The following LRRC4C variants were observed in gnomAD, a reference collection of about 807,000 sequenced individuals.
LRRC4C encodes the protein leucine rich repeat containing 4C.
LRRC4C carries 5 observed loss-of-function variants against 33.6 expected under a neutral mutation model. The observed-to-expected ratio is 0.15, with a 90% CI of 0.08 to 0.31. LRRC4C has a LOEUF of 0.31. LRRC4C is among the 10% of genes least tolerant of loss of function. The pLI is 1.00. For missense variants in LRRC4C, 560 were observed against 796.7 expected, an observed-to-expected ratio of 0.70 and a Z score of 3.58; for synonymous variants, 329 against 302.0, an observed-to-expected ratio of 1.09 and a Z score of -0.93.
chr11:40,316,370 C>T (rs893205222), intron 4 of LRRC4C, among the ~76,000 whole-genome samples: 1 of 152,012 alleles, frequency 6.6e-6, no homozygotes, highest in South Asian at 2.1e-4. Flanking sequence ...CCTGACAAGG[C>T]TGTTTGGAAC....
intron 1 of LRRC4C, among the ~76,000 whole-genome samples, chr11:41,190,672 T>C (rs763780406): frequency 9.9e-5 from 15 of 152,202 alleles, no homozygotes; most frequent in Non-Finnish European, 1.6e-4. Context: ...TCGTCTACAC[T>C]TGCATACACA....
At chr11:40,604,039 A>G (rs922607925) in intron 3 of LRRC4C, among the ~76,000 whole-genome samples, 3 of 152,192 alleles carry the variant, frequency 2.0e-5, no homozygotes, top group Admixed American at 2.0e-4. Flanking sequence ...GTATATTTGT[A>G]TGTTACAGCT....
chr11:40,787,602 G>A (rs1341281661), intron 2 of LRRC4C, among the ~76,000 whole-genome samples: 1 of 152,122 alleles, frequency 6.6e-6, no homozygotes, highest in Non-Finnish European at 1.5e-5. Context: ...ACATTTTATT[G>A]TCATACTGTC....
chr11:40,558,482 G>A (rs888558234), intron 3 of LRRC4C, among the ~76,000 whole-genome samples: 2 of 152,120 alleles, frequency 1.3e-5, no homozygotes, highest in Non-Finnish European at 2.9e-5. Flanking sequence ...CTTAATCCCA[G>A]AAGAAAAATG....
At chr11:41,412,317 G>A (rs945353388) in intron 1 of LRRC4C, among the ~76,000 whole-genome samples, 2 of 152,008 alleles carry the variant, frequency 1.3e-5, no homozygotes, top group South Asian at 2.1e-4. Flanking sequence ...AATATGTTTG[G>A]GGTCTTTAGA....
At chr11:40,351,119 TC>T (rs1258384562) in intron 3 of LRRC4C, among the ~76,000 whole-genome samples, 7 of 152,166 alleles carry the variant, frequency 4.6e-5, no homozygotes, top group African/African-American at 1.4e-4. Context: ...AGTACTATTT[TC>T]AATAGTAATG....
chr11:41,145,540 G>A (rs897828992), intron 1 of LRRC4C, among the ~76,000 whole-genome samples: 1 of 125,702 alleles, frequency 8.0e-6, no homozygotes, highest in Non-Finnish European at 1.9e-5. Context: ...ATGCTACAAC[G>A]GCAGAGTTGA....
At chr11:40,401,674 A>G (rs1172366886) in intron 3 of LRRC4C, among the ~76,000 whole-genome samples, 6 of 152,116 alleles carry the variant, frequency 3.9e-5, no homozygotes, top group African/African-American at 1.4e-4. Context: ...ATTCCACATG[A>G]GTGTGTGTTG....
intron 1 of LRRC4C, among the ~76,000 whole-genome samples, chr11:41,386,884 C>T (rs1183059583): frequency 6.6e-6 from 1 of 151,598 alleles, no homozygotes; most frequent in Non-Finnish European, 1.5e-5. Context: ...TGTCTTTATT[C>T]CTTTGTGTAA....
chr11:40,495,810 C>G (rs1243159905), intron 3 of LRRC4C, among the ~76,000 whole-genome samples: 1 of 55,072 alleles, frequency 1.8e-5, no homozygotes, highest in Non-Finnish European at 3.9e-5. Flanking sequence ...TCTCAATAAA[C>G]ATGTTTTTTT....
intron 2 of LRRC4C, among the ~76,000 whole-genome samples, chr11:40,739,118 C>T (rs559083815): frequency 6.6e-6 from 1 of 150,996 alleles, no homozygotes; most frequent in African/African-American, 2.4e-5. Context: ...TTATATGTTC[C>T]TATATTAACA....
At chr11:40,316,646 G>A (rs1057148842) in intron 4 of LRRC4C, among the ~76,000 whole-genome samples, 1 of 151,862 alleles carries the variant, frequency 6.6e-6, no homozygotes, top group Non-Finnish European at 1.5e-5. Context: ...CTTTCACAAA[G>A]CGTTCTTGGA....
intron 5 of LRRC4C, among the ~76,000 whole-genome samples, chr11:40,224,364 G>C (rs1864636309): frequency 6.6e-6 from 1 of 152,084 alleles, no homozygotes; most frequent in African/African-American, 2.4e-5. Flanking sequence ...TAATCTATCT[G>C]TATATGCCCC....
intron 1 of LRRC4C, among the ~76,000 whole-genome samples, chr11:41,077,720 C>A (rs78984775): frequency 0.031 from 4,762 of 152,262 alleles, 132 homozygotes; most frequent in Admixed American, 0.075. Context: ...CTATTAACAT[C>A]CTGCTCCTCA....
chr11:40,521,870 AAAAAT>A (rs1376595851), intron 3 of LRRC4C, among the ~76,000 whole-genome samples: 2 of 152,166 alleles, frequency 1.3e-5, no homozygotes, highest in African/African-American at 4.8e-5. Context: ...ACCGTCTCAA[AAAAAT>A]AAAATAAAAT....
At chr11:40,890,516 A>G (rs1483196183) in intron 2 of LRRC4C, among the ~76,000 whole-genome samples, 1 of 152,172 alleles carries the variant, frequency 6.6e-6, no homozygotes, top group Admixed American at 6.5e-5. Flanking sequence ...GGATTGTTTC[A>G]AATATATAAA....
rs370280149 is a variant in LRRC4C at position 40,849,252 on chromosome 11, T to C, written c.-407+84383A>G. On this transcript the variant is annotated intron_variant, in intron 2 of 6. Transcript: ENST00000528697. ...TCATAGTGTCAATGGTCTTTACATT[T>C]TGGTTTCTTTTTGCAGTGGCTTGTG... is the stretch of plus-strand genomic sequence containing the variant. Among the ~76,000 whole-genome samples, 28 of 152,342 alleles carry C rather than the reference T, an allele frequency of 1.8e-4. No homozygotes were observed. In the South Asian group the frequency reaches 5.2e-3, roughly 28 times the overall value.
At position 41,121,806 on chromosome 11, in the gene LRRC4C, T is replaced by C. The variant is rs555221561; in HGVS notation, c.-495-188083A>G. Among the ~76,000 whole-genome samples the C allele has an allele frequency of 9.2e-5, 14 of 152,244 alleles. No homozygotes were observed. In the South Asian group the frequency reaches 1.2e-3, roughly 14 times the overall value. The stretch of plus-strand genomic sequence containing the variant: ...GTTAGCTGAATCATAGAGCAAATAT[T>C]GTCAGCTTGGATAAAGGAAGCACAG... On this transcript the variant is annotated intron_variant, in intron 1 of 6. Transcript: ENST00000528697.
intron 2 of LRRC4C, among the ~76,000 whole-genome samples, chr11:40,923,826 T>C (rs1016309812): frequency 2.6e-5 from 4 of 152,154 alleles, no homozygotes; most frequent in African/African-American, 9.7e-5. Flanking sequence ...TCTTATGTAA[T>C]GGACAAGCAT....
Sources: gnomAD v4.1 joint callset for allele counts (sites outside exome capture counted in the v4.1 genomes callset) on GRCh38, gnomAD v4.1.1 for gene constraint, MANE v1.5 for transcripts, NCBI Gene and HGNC (gene_info 2026-07-23, HGNC 2026-07-21) for gene names.